Variants in MYO10 observed in about 807,000 individuals in gnomAD.
The protein encoded by MYO10 is myosin X, also known as unconventional myosin-X.
A neutral mutation model predicts 257.3 loss-of-function variants in MYO10; 133 were observed. The ratio of observed to expected loss-of-function variants is 0.52; its 90% confidence interval spans 0.45 to 0.60. The LOEUF (loss-of-function observed/expected upper bound fraction) is 0.60, where lower values mean the gene tolerates loss of function less well. MYO10 is among the 20% of genes least tolerant of loss of function. MYO10 has a pLI of 0.00. For missense variants in MYO10, 2,399 were observed against 2,635.7 expected (o/e 0.91, Z 1.97); for synonymous variants, 1,104 against 1,028.6 (o/e 1.07, Z -1.40).
chr5:16,736,851 T>G (rs944922674), intron 19 of MYO10, among the ~76,000 whole-genome samples: 9 of 152,210 alleles, frequency 5.9e-5, no homozygotes, highest in Non-Finnish European at 7.4e-5. Flanking sequence ...GGATTTGTTT[T>G]GGCTCAGCAA....
intron 18 of MYO10, among the ~76,000 whole-genome samples, chr5:16,755,465 T>A (rs1272880074): frequency 6.6e-6 from 1 of 152,198 alleles, no homozygotes. Context: ...GCGCCCGGCC[T>A]GAAATAGTAC....
intron 2 of MYO10, among the ~76,000 whole-genome samples, chr5:16,822,843 A>G (rs1412972160): frequency 6.6e-6 from 1 of 151,806 alleles, no homozygotes; most frequent in Non-Finnish European, 1.5e-5. Flanking sequence ...GCCCGCAACC[A>G]CGCCCGGCTA....
chr5:16,688,731 ACT>A (rs1301391964), intron 28 of MYO10, among the ~76,000 whole-genome samples: 1 of 144,932 alleles, frequency 6.9e-6, no homozygotes, highest in Non-Finnish European at 1.5e-5. Flanking sequence ...CAAGAGAGAA[ACT>A]CTGTCTCAAA....
intron 26 of MYO10, among the ~76,000 whole-genome samples, chr5:16,695,259 G>A (rs907589844): frequency 1.3e-5 from 2 of 152,134 alleles, no homozygotes; most frequent in African/African-American, 2.4e-5. Context: ...GCTTGAATCC[G>A]GGAGGAGGAG....
At chr5:16,891,554 G>T (rs185490584) in intron 1 of MYO10, among the ~76,000 whole-genome samples, 1 of 152,236 alleles carries the variant, frequency 6.6e-6, no homozygotes, top group East Asian at 1.9e-4. Flanking sequence ...AGATAGTGAT[G>T]ATGGTTGTAC....
chr5:16,839,005 T>C (rs894146058), intron 2 of MYO10, among the ~76,000 whole-genome samples: 1 of 152,212 alleles, frequency 6.6e-6, no homozygotes, highest in African/African-American at 2.4e-5. Flanking sequence ...ATGCACCTGG[T>C]CACCCAAGAG....
intron 2 of MYO10, among the ~76,000 whole-genome samples, chr5:16,848,155 C>CTTTTTTTTTTTTTTTTCTTTTTTTTTTT (rs1554002457): frequency 7.9e-5 from 9 of 113,590 alleles, no homozygotes; most frequent in South Asian, 2.8e-4. Flanking sequence ...CTACACATTT[C>CTTTTTTTTTTTTTTTTCTTTTTTTTTTT]TTTTTTTTTT....
intron 19 of MYO10, among the ~76,000 whole-genome samples, chr5:16,726,392 T>C (rs887908707): frequency 1.3e-5 from 2 of 152,214 alleles, no homozygotes; most frequent in Non-Finnish European, 2.9e-5. Flanking sequence ...AAAGCTATCA[T>C]GTACCAAGGG....
At chr5:16,842,736 G>A (rs995046847) in intron 2 of MYO10, among the ~76,000 whole-genome samples, 2 of 151,972 alleles carry the variant, frequency 1.3e-5, no homozygotes, top group African/African-American at 4.8e-5. Flanking sequence ...ACCAGCCAAA[G>A]CAACTTAGCA....
intron 1 of MYO10, among the ~76,000 whole-genome samples, chr5:16,903,599 A>G (rs997863300): frequency 6.6e-6 from 1 of 152,216 alleles, no homozygotes; most frequent in African/African-American, 2.4e-5. Context: ...AAATGCAGAT[A>G]ATAAGCATCA....
intron 19 of MYO10, among the ~76,000 whole-genome samples, chr5:16,734,379 T>C (rs1739705667): frequency 6.6e-6 from 1 of 152,206 alleles, no homozygotes; most frequent in Non-Finnish European, 1.5e-5. Flanking sequence ...CCTTCACAAA[T>C]TCTACCTGGC....
In MYO10 at chr5:16,664,220, C is replaced by T; in HGVS notation, c.*2472G>A. On this transcript the variant is annotated 3_prime_UTR_variant, in exon 41 of 41. Coordinates refer to ENST00000513610, the MANE Select transcript of MYO10 (RefSeq NM_012334.3). The stretch of plus-strand genomic sequence containing the variant: ...CACAACTATGCCATGTAAAGGCTCA[C>T]ATGTAAATCTATGTTCTAACTATGG... The T allele has an allele frequency of 6.6e-6, 1 of 152,152 alleles. No individual in the cohort carries two copies. The highest frequency in any genetic ancestry group is 2.1e-4 in the South Asian group (1 of 4,824). 9.4% of individuals were successfully genotyped at this position (152,152 alleles called of 1,614,324 possible).
At chr5:16,808,529 C>G (rs537899703) in intron 3 of MYO10, among the ~76,000 whole-genome samples, 5 of 152,032 alleles carry the variant, frequency 3.3e-5, no homozygotes, top group Non-Finnish European at 7.4e-5. Flanking sequence ...AATCGTGAAG[C>G]ATTCAAGTTT....
intron 19 of MYO10, among the ~76,000 whole-genome samples, chr5:16,723,749 C>T (rs962815193): frequency 8.5e-5 from 13 of 152,168 alleles, no homozygotes; most frequent in African/African-American, 1.9e-4. Context: ...AAAGAAACTA[C>T]GGTATATCCA....
chr5:16,664,746 A>T lies in MYO10; in HGVS notation c.*1946T>A, dbSNP rs1736088413. 1 of 152,254 alleles carries T rather than the reference A, an allele frequency of 6.6e-6. No individual in the cohort carries two copies. Among genetic ancestry groups the T allele is most frequent in the African/African-American group, 2.4e-5 (1 of 41,464 alleles). 9.4% of individuals were successfully genotyped at this position (152,254 alleles called of 1,614,324 possible). ...GGGCTGACATAGGGGACTGTCTGACATAAACACATTTCAAGTCCTCAGCTG... is the reference window on the plus strand; with the variant it reads ...GGGCTGACATAGGGGACTGTCTGACTTAAACACATTTCAAGTCCTCAGCTG... On this transcript the variant is annotated 3_prime_UTR_variant, in exon 41 of 41. Transcript: ENST00000513610.
intron 10 of MYO10, among the ~76,000 whole-genome samples, chr5:16,767,953 C>T (rs1045943151): frequency 6.6e-6 from 1 of 152,184 alleles, no homozygotes; most frequent in African/African-American, 2.4e-5. Context: ...GCTAGGATTA[C>T]AGGCATGGGC....
chr5:16,918,522 G>C (rs1487434140), intron 1 of MYO10, among the ~76,000 whole-genome samples: 2 of 92,252 alleles, frequency 2.2e-5, no homozygotes, highest in African/African-American at 8.7e-5. Flanking sequence ...TTTTTTTTGA[G>C]ACAGAGTTTC....
intron 2 of MYO10, among the ~76,000 whole-genome samples, chr5:16,850,683 A>G (rs963610306): frequency 2.6e-5 from 4 of 152,022 alleles, no homozygotes; most frequent in African/African-American, 9.7e-5. Flanking sequence ...AAAAGACCAC[A>G]TATAGGTAAG....
At chr5:16,845,834 C>T (rs1459559317) in intron 2 of MYO10, among the ~76,000 whole-genome samples, 1 of 151,762 alleles carries the variant, frequency 6.6e-6, no homozygotes, top group South Asian at 2.1e-4. Flanking sequence ...CGTGGTGGCA[C>T]GCACCTGTAG....
Sources: allele counts gnomAD v4.1 joint callset (sites outside exome capture counted in the v4.1 genomes callset), GRCh38; gene constraint gnomAD v4.1.1; transcripts MANE v1.5; gene names NCBI Gene and HGNC (gene_info 2026-07-23, HGNC 2026-07-21).